The following ZEB2 variants were observed in gnomAD, a reference collection of about 807,000 sequenced individuals.
The protein encoded by ZEB2 is zinc finger E-box binding homeobox 2, also known as zinc finger E-box-binding homeobox 2.
ZEB2 carries 6 observed loss-of-function variants against 99.9 expected under a neutral mutation model. That is an observed-to-expected ratio of 0.06 (90% CI 0.03 to 0.12). The LOEUF is 0.12. Among genes scored for constraint, ZEB2 ranks in the 10% least tolerant of loss-of-function variants. The pLI, the probability that ZEB2 is intolerant of heterozygous loss-of-function variation, is 1.00. For missense variants in ZEB2, 969 were observed against 1,502.8 expected (o/e 0.64, Z 5.87); for synonymous variants, 517 against 542.5 (o/e 0.95, Z 0.65).
At chr2:144,392,457 T>C (rs1006027202) in intron 9 of ZEB2, among the ~76,000 whole-genome samples, 1 of 152,248 alleles carries the variant, frequency 6.6e-6, no homozygotes, top group African/African-American at 2.4e-5. Flanking sequence ...TTATAGACAT[T>C]CAATTTTCAG....
chr2:144,512,956 C>A, intron 2 of ZEB2: 4 of 1,287,192 alleles, frequency 3.1e-6, no homozygotes, highest in Non-Finnish European at 4.0e-6. Flanking sequence ...ATCAACTTTA[C>A]GAAGAAAGCT....
chr2:144,481,478 A>T (rs1704510332), intron 2 of ZEB2, among the ~76,000 whole-genome samples: 1 of 152,222 alleles, frequency 6.6e-6, no homozygotes, highest in African/African-American at 2.4e-5. Context: ...GACTAGAAAT[A>T]GTTGGGGAAG....
In ZEB2 at chr2:144,388,230, G is replaced by T. The variant is rs1169047701; in HGVS notation, c.*1221C>A. On this transcript the variant is annotated 3_prime_UTR_variant, in exon 10 of 10. Transcript: ENST00000627532. This position sits in a 1 kb window ranked among gnomAD's most constrained non-coding sequence, Gnocchi z 5.4. ...GTGTTTTCACAAGATCGTATCAAAA[G>T]TTCCCAAATTTGGAATTTCCAGTAA... 1 of 152,422 alleles carries T rather than the reference G, an allele frequency of 6.6e-6. No homozygotes were observed. The highest frequency in any genetic ancestry group is 3.2e-3 in the Middle Eastern group (1 of 316). The allele number at this position is 152,422 out of a possible 1,614,324, so 9.4% of individuals were successfully genotyped here.
At chr2:144,477,732 G>A (rs1047536709) in intron 2 of ZEB2, among the ~76,000 whole-genome samples, 1 of 152,166 alleles carries the variant, frequency 6.6e-6, no homozygotes, top group African/African-American at 2.4e-5. Context: ...AGCTCTAATA[G>A]CTCAGGATGC....
intron 4 of ZEB2, among the ~76,000 whole-genome samples, chr2:144,414,477 G>C (rs1329438553): frequency 6.6e-6 from 1 of 152,090 alleles, no homozygotes. Context: ...TCGTGAGGCA[G>C]GGCCCCCGAG....
intron 2 of ZEB2, chr2:144,504,373 C>G (rs909583857): frequency 3.9e-5 from 6 of 152,376 alleles, no homozygotes; most frequent in Non-Finnish European, 7.3e-5. Flanking sequence ...ACAGGAGGAG[C>G]TGAGATTTCC....
chr2:144,464,794 G>A lies in ZEB2; in HGVS notation c.74-34768C>T, dbSNP rs551540608. Among the ~76,000 whole-genome samples the A allele has an allele frequency of 3.9e-5, 6 of 152,244 alleles. No individual in the cohort carries two copies. In the South Asian group the frequency reaches 1.2e-3, roughly 32 times the overall value. On this transcript the variant is annotated intron_variant, in intron 2 of 9. Transcript: ENST00000627532. ...ATTGAAAGATTAAAACCTCTGCAGTGTCCATGAAATCCCTTTTACATACAT... is the reference window on the plus strand; with the variant it reads ...ATTGAAAGATTAAAACCTCTGCAGTATCCATGAAATCCCTTTTACATACAT...
At chr2:144,514,966 A>G (rs1452913660) in intron 2 of ZEB2, among the ~76,000 whole-genome samples, 3 of 152,180 alleles carry the variant, frequency 2.0e-5, no homozygotes, top group Non-Finnish European at 2.9e-5. Context: ...GAAGCGCCCA[A>G]CGGGCCTCCC....
intron 6 of ZEB2, among the ~76,000 whole-genome samples, chr2:144,402,337 C>G (rs536627534): frequency 6.6e-6 from 1 of 152,258 alleles, no homozygotes; most frequent in South Asian, 2.1e-4. Context: ...TGTGCTGAAT[C>G]TTCCCACATT....
At chr2:144,497,687 A>G (rs926552746) in intron 2 of ZEB2, 1 of 166,654 alleles carries the variant, frequency 6.0e-6, no homozygotes, top group African/African-American at 2.5e-5. Flanking sequence ...ACTTTGAAAC[A>G]AAAAAGGACT....
chr2:144,424,079 A>G (rs1703657275), intron 4 of ZEB2, among the ~76,000 whole-genome samples: 1 of 152,220 alleles, frequency 6.6e-6, no homozygotes, highest in Non-Finnish European at 1.5e-5. Flanking sequence ...TTGGTGATGT[A>G]AGAATGTGAG....
chr2:144,404,087 G>A lies in ZEB2; in HGVS notation c.636C>T (p.Thr212=). ...TGTAGCCCCGGTCGCAGTAGGGGCA[G>A]GTCAGCAGTTGGGCAAAAGCATCTG... ...GTPDAFAQLL[T]CPYCDRGYKR... Residue 212 remains threonine, a synonymous_variant, in exon 6 of 10, where the codon ACC becomes ACT. Coordinates refer to ENST00000627532, the MANE Select transcript of ZEB2 (RefSeq NM_014795.4). The A allele has an allele frequency of 2.5e-6, 4 of 1,614,144 alleles. No individual in the cohort carries two copies. In the South Asian group the frequency reaches 4.4e-5, roughly 18 times the overall value.
At chr2:144,509,023 G>A (rs1435061266) in intron 2 of ZEB2, among the ~76,000 whole-genome samples, 2 of 151,270 alleles carry the variant, frequency 1.3e-5, no homozygotes, top group Admixed American at 6.6e-5. Flanking sequence ...TATGAGCAAT[G>A]TAAGTCCACC....
chr2:144,414,255 C>G (rs1337644880), intron 4 of ZEB2, among the ~76,000 whole-genome samples: 2 of 152,206 alleles, frequency 1.3e-5, no homozygotes, highest in African/African-American at 4.8e-5. Flanking sequence ...TTGTACTCTG[C>G]TATTCTTCTC....
At chr2:144,426,934 CATA>C (rs1034155583) in intron 3 of ZEB2, 4 of 152,138 alleles carry the variant, frequency 2.6e-5, no homozygotes, top group African/African-American at 9.7e-5. Flanking sequence ...TTCAGAAGGA[CATA>C]ATGATACACA....
In ZEB2 at chr2:144,400,256, C is replaced by T; in HGVS notation, c.931G>A (p.Glu311Lys). Residue 311 changes from glutamate to lysine, a missense_variant, in exon 8 of 10, where the codon GAG becomes AAG. Glu to Lys is a moderately conservative substitution (Grantham distance 56, BLOSUM62 1). This residue lies in a region of ZEB2 where 9 missense variants were observed against 77.3 expected (regional missense o/e 0.12). Coordinates refer to ENST00000627532, the MANE Select transcript of ZEB2 (RefSeq NM_014795.4). Reference sequence around the variant, plus strand: ...AAACGTTTCTTGCAGTTTGGGCACTCGTAAGGTTTTTCACCTAAAATGATA... The same window carrying T: ...AAACGTTTCTTGCAGTTTGGGCACTTGTAAGGTTTTTCACCTAAAATGATA... ...LRIHSGEKPYECPNCKKRFSH... is the reference protein window; with the variant it reads ...LRIHSGEKPYKCPNCKKRFSH... 1 of 1,610,188 alleles carries T rather than the reference C, an allele frequency of 6.2e-7. No individual in the cohort carries two copies. Among genetic ancestry groups the T allele is most frequent in the Non-Finnish European group, 8.5e-7 (1 of 1,179,952 alleles).
chr2:144,398,110 A>G (rs535439845), intron 8 of ZEB2, among the ~76,000 whole-genome samples, 191 bp downstream of exon 8: 1 of 152,316 alleles, frequency 6.6e-6, no homozygotes, highest in South Asian at 2.1e-4. Flanking sequence ...TTTTAAAGCA[A>G]ATGTGCTTAG....
chr2:144,498,954 A>G (rs1354813052), intron 2 of ZEB2, among the ~76,000 whole-genome samples: 1 of 152,158 alleles, frequency 6.6e-6, no homozygotes, highest in Non-Finnish European at 1.5e-5. Context: ...GAGATACAGT[A>G]TTTCTTATTT....
chr2:144,397,929 T>C, intron 8 of ZEB2: 1 of 347,562 alleles, frequency 2.9e-6, no homozygotes. Flanking sequence ...GCATGAGCCA[T>C]CACACCTGTC....
Sources: allele counts gnomAD v4.1 joint callset (sites outside exome capture counted in the v4.1 genomes callset), GRCh38; gene constraint gnomAD v4.1.1; regional missense constraint gnomAD v4.1.1; non-coding constraint Gnocchi (gnomAD v3.1); transcripts MANE v1.5; gene names NCBI Gene and HGNC (gene_info 2026-07-23, HGNC 2026-07-21).